PDE7A: variants seen among roughly 807,000 people sequenced by gnomAD.
PDE7A encodes high affinity 3',5'-cyclic-AMP phosphodiesterase 7A.
A neutral mutation model predicts 64.3 loss-of-function variants in PDE7A; 39 were observed. The observed-to-expected ratio is 0.61, with a 90% CI of 0.47 to 0.79. PDE7A has a LOEUF of 0.79. Among genes scored for constraint, PDE7A ranks in the 30% least tolerant of loss-of-function variants. The pLI is 0.00. For synonymous variants in PDE7A, 203 were observed against 206.8 expected, an observed-to-expected ratio of 0.98 and a Z score of 0.16; for missense variants, 470 against 582.8, an observed-to-expected ratio of 0.81 and a Z score of 1.99.
At chr8:65,734,069 C>T (rs1399267324) in intron 7 of PDE7A, among the ~76,000 whole-genome samples, 2 of 152,162 alleles carry the variant, frequency 1.3e-5, no homozygotes, top group Non-Finnish European at 2.9e-5. Context: ...TTTTATGTAA[C>T]TCTATACTAG....
At position 65,718,290 on chromosome 8, in the gene PDE7A, AAC is replaced by A. The variant is rs140158860; in HGVS notation, c.*998_*999del. The stretch of plus-strand genomic sequence containing the variant: ...TCACACATGCACAAACATGCACGCA[AAC>A]ACACATCCGTACATTCACACACAAC... On this transcript the variant is annotated 3_prime_UTR_variant, in exon 13 of 13. Coordinates refer to ENST00000401827, the MANE Select transcript of PDE7A (RefSeq NM_001242318.3). 6.6e-6 allele frequency: 1 copy of A among 152,452 alleles called. No individual in the cohort carries two copies. The highest frequency in any genetic ancestry group is 1.9e-4 in the East Asian group (1 of 5,190). 9.4% of individuals were successfully genotyped at this position (152,452 alleles called of 1,614,324 possible).
At chr8:65,771,035 G>C (rs1443463419) in intron 3 of PDE7A, 1 of 382,652 alleles carries the variant, frequency 2.6e-6, no homozygotes, top group Admixed American at 3.1e-5. Flanking sequence ...AAGAGAATAA[G>C]GACTATGACA....
intron 1 of PDE7A, among the ~76,000 whole-genome samples, chr8:65,811,003 TA>T (rs1458059422): frequency 6.6e-6 from 1 of 151,834 alleles, no homozygotes; most frequent in Non-Finnish European, 1.5e-5. Context: ...TGCAACCAAA[TA>T]AAAGTAAATC....
At chr8:65,729,473 G>A (rs1806749618) in intron 7 of PDE7A, among the ~76,000 whole-genome samples, 1 of 151,348 alleles carries the variant, frequency 6.6e-6, no homozygotes, top group South Asian at 2.1e-4. Context: ...GTAAAGAGGA[G>A]GTGGCACTAT....
At chr8:65,809,674 C>T (rs1187379909) in intron 1 of PDE7A, among the ~76,000 whole-genome samples, 5 of 152,316 alleles carry the variant, frequency 3.3e-5, no homozygotes, top group African/African-American at 2.4e-5. Context: ...CAAACCCCAT[C>T]ACAAAGTGGG....
chr8:65,763,045 T>C (rs1163656121), intron 3 of PDE7A, among the ~76,000 whole-genome samples: 2 of 149,980 alleles, frequency 1.3e-5, no homozygotes, highest in South Asian at 2.1e-4. Context: ...GTGTATAAAA[T>C]GAATATACAG....
At chr8:65,798,290 A>C (rs934459522) in intron 1 of PDE7A, among the ~76,000 whole-genome samples, 1 of 149,328 alleles carries the variant, frequency 6.7e-6, no homozygotes, top group Non-Finnish European at 1.5e-5. Context: ...GCTCACTGCA[A>C]CCTCTACCTC....
At chr8:65,817,098 C>T (rs779088174) in intron 1 of PDE7A, among the ~76,000 whole-genome samples, 4 of 152,192 alleles carry the variant, frequency 2.6e-5, no homozygotes, top group Non-Finnish European at 4.4e-5. Context: ...CTACGAGCCC[C>T]TCTAGTGAAT....
At chr8:65,818,945 C>T (rs1810476687) in intron 1 of PDE7A, among the ~76,000 whole-genome samples, 1 of 152,198 alleles carries the variant, frequency 6.6e-6, no homozygotes, top group South Asian at 2.1e-4. Context: ...TCATGCCAAC[C>T]AAGCTGGGGC....
At chr8:65,723,350 C>CT (rs1806470049) in intron 12 of PDE7A, 191 bp downstream of exon 12, 2 of 439,862 alleles carry the variant, frequency 4.5e-6, no homozygotes, top group Non-Finnish European at 7.2e-6. Flanking sequence ...CAAAAATATA[C>CT]TTTTTACATC....
chr8:65,779,287 T>C (rs1176044145), intron 3 of PDE7A, among the ~76,000 whole-genome samples: 2 of 152,224 alleles, frequency 1.3e-5, no homozygotes, highest in African/African-American at 4.8e-5. Flanking sequence ...ATGCTTGTTT[T>C]TGAAATAGGC....
At chr8:65,783,350 T>A (rs1809467745) in intron 1 of PDE7A, among the ~76,000 whole-genome samples, 1 of 151,978 alleles carries the variant, frequency 6.6e-6, no homozygotes, top group African/African-American at 2.4e-5. Context: ...CTTTCGAGAG[T>A]CATCTGTGAC....
intron 3 of PDE7A, among the ~76,000 whole-genome samples, chr8:65,766,173 T>C (rs906682540): frequency 8.5e-5 from 13 of 152,234 alleles, no homozygotes; most frequent in African/African-American, 3.1e-4. Flanking sequence ...CTTGAACTCC[T>C]GACCTCAGGT....
chr8:65,824,292 C>T (rs1431685888), intron 1 of PDE7A, among the ~76,000 whole-genome samples: 1 of 152,158 alleles, frequency 6.6e-6, no homozygotes, highest in African/African-American at 2.4e-5. Context: ...GTCCACATAA[C>T]ACTCAAATTT....
chr8:65,800,172 C>T (rs1372719315), intron 1 of PDE7A, among the ~76,000 whole-genome samples: 1 of 152,200 alleles, frequency 6.6e-6, no homozygotes, highest in Non-Finnish European at 1.5e-5. Flanking sequence ...CCCCACCTAA[C>T]AGATCCACTG....
rs1165277342 is a variant in PDE7A at position 65,747,734 on chromosome 8, A to C, written c.353T>G (p.Leu118Arg). The change falls in exon 4 of 13, where the codon CTT (leucine) becomes CGT (arginine). Residue 118 changes from leucine (L) to arginine (R), a missense_variant. Leu to Arg is a moderately radical substitution (Grantham distance 102). Transcript: ENST00000401827. ...IRRLLSFQRY[L>R]RSSRFFRGTA... ...ACCACGAAAAAAGCGTGAAGATCTA[A>C]GATATCGCTGGAAACTTAGTAGCCT... 4.3e-6 allele frequency: 7 copies of C among 1,610,368 alleles called. No individual in the cohort carries two copies. The South Asian group carries it at 6.6e-5, about 15-fold the overall frequency.
At chr8:65,739,079 C>T (rs977596844) in intron 6 of PDE7A, among the ~76,000 whole-genome samples, 1 of 152,232 alleles carries the variant, frequency 6.6e-6, no homozygotes, top group Non-Finnish European at 1.5e-5. Context: ...TATCAGCTCT[C>T]TCGGAAACCT....
intron 1 of PDE7A, among the ~76,000 whole-genome samples, chr8:65,825,367 C>T (rs1810645715): frequency 6.6e-6 from 1 of 152,098 alleles, no homozygotes; most frequent in African/African-American, 2.4e-5. Flanking sequence ...ATGGACAGGG[C>T]TCCTATTCTA....
chr8:65,791,065 C>CAACT (rs1809688852), intron 1 of PDE7A, among the ~76,000 whole-genome samples: 1 of 152,190 alleles, frequency 6.6e-6, no homozygotes, highest in South Asian at 2.1e-4. Context: ...CTCTTCCAAT[C>CAACT]AACTGCTCAA....
Sources: allele counts gnomAD v4.1 joint callset (sites outside exome capture counted in the v4.1 genomes callset), GRCh38; gene constraint gnomAD v4.1.1; transcripts MANE v1.5; gene names NCBI Gene and HGNC (gene_info 2026-07-23, HGNC 2026-07-21).